Variants in COG5 observed in about 807,000 individuals in gnomAD.
COG5 encodes the protein conserved oligomeric Golgi complex subunit 5.
A neutral mutation model predicts 110.4 loss-of-function variants in COG5; 86 were observed. The observed-to-expected ratio is 0.78, with a 90% CI of 0.65 to 0.93. The LOEUF is 0.93. Among genes scored for constraint, COG5 ranks in the 40% least tolerant of loss-of-function variants. The pLI is 0.00. For missense variants in COG5, 1,077 were observed against 987.0 expected, an observed-to-expected ratio of 1.09 and a Z score of -1.22; for synonymous variants, 360 against 334.6, an observed-to-expected ratio of 1.08 and a Z score of -0.83.
intron 1 of COG5, 196 bp downstream of exon 1, chr7:107,563,607 A>C: frequency 3.2e-6 from 2 of 618,588 alleles, no homozygotes; most frequent in Non-Finnish European, 6.0e-6. Flanking sequence ...CCAAGACTCC[A>C]GAAAAGAGGG....
chr7:107,241,066 G>A (rs192660842), intron 17 of COG5, among the ~76,000 whole-genome samples: 1 of 152,296 alleles, frequency 6.6e-6, no homozygotes, highest in East Asian at 1.9e-4. Context: ...TAGAATTTAA[G>A]CAAATTAGTA....
chr7:107,450,957 A>G (rs970331511), intron 6 of COG5, among the ~76,000 whole-genome samples: 2 of 152,174 alleles, frequency 1.3e-5, no homozygotes, highest in Non-Finnish European at 2.9e-5. Context: ...AACAACTCTA[A>G]TTCAACATCT....
intron 6 of COG5, among the ~76,000 whole-genome samples, chr7:107,434,963 C>T (rs1584819149): frequency 6.6e-6 from 1 of 150,420 alleles, no homozygotes; most frequent in East Asian, 1.9e-4. Flanking sequence ...GAGCGAGACT[C>T]CGTCTTAAAA....
At chr7:107,351,340 T>TA (rs758174950) in intron 10 of COG5, among the ~76,000 whole-genome samples, 32 of 152,136 alleles carry the variant, frequency 2.1e-4, no homozygotes, top group Non-Finnish European at 3.2e-4. Context: ...ATGTTAGACC[T>TA]AAAACCATAA....
chr7:107,372,844 A>G lies in COG5; in HGVS notation c.670-84T>C, dbSNP rs946888040. 8.6e-5 allele frequency: 113 copies of G among 1,311,706 alleles called. 1 individual carries two copies. Among genetic ancestry groups the G allele is most frequent in the Non-Finnish European group, 1.2e-4 (109 of 926,444 alleles). The allele number at this position is 1,311,706 out of a possible 1,614,324, so 81.3% of individuals were successfully genotyped here. ...ACATAAATATACAACTTTAAGCAGG[A>G]CTTCAGCAGTCCTATCATATTTAAA... On this transcript the variant is annotated intron_variant, in intron 7 of 21. Coordinates refer to ENST00000297135, the MANE Select transcript of COG5 (RefSeq NM_006348.5).
intron 7 of COG5, among the ~76,000 whole-genome samples, chr7:107,388,147 T>C (rs1790343527): frequency 6.6e-6 from 1 of 152,164 alleles, no homozygotes; most frequent in Admixed American, 6.5e-5. Flanking sequence ...TATCCTACAA[T>C]GCCCAGATTG....
At chr7:107,223,603 G>A (rs1800111590) in intron 19 of COG5, among the ~76,000 whole-genome samples, 1 of 152,160 alleles carries the variant, frequency 6.6e-6, no homozygotes, top group Admixed American at 6.5e-5. Context: ...AGCAGGAGGT[G>A]GCCACTAAAG....
At chr7:107,502,778 T>G (rs1366954799) in intron 6 of COG5, among the ~76,000 whole-genome samples, 1 of 152,174 alleles carries the variant, frequency 6.6e-6, no homozygotes, top group African/African-American at 2.4e-5. Context: ...ATGTTGAACA[T>G]TTTTTCATAT....
chr7:107,363,595 C>T (rs927199629), intron 8 of COG5, among the ~76,000 whole-genome samples: 5 of 152,024 alleles, frequency 3.3e-5, no homozygotes, highest in Non-Finnish European at 7.4e-5. Context: ...AAAAAAATCA[C>T]CATTTTACAA....
At chr7:107,355,362 T>C (rs1476841957) in intron 10 of COG5, among the ~76,000 whole-genome samples, 3 of 152,326 alleles carry the variant, frequency 2.0e-5, no homozygotes, top group Non-Finnish European at 2.9e-5. Context: ...TGGCAGTTTC[T>C]TACTAAGCTA....
At chr7:107,346,447 T>C (rs914071137) in intron 10 of COG5, among the ~76,000 whole-genome samples, 1 of 152,236 alleles carries the variant, frequency 6.6e-6, no homozygotes, top group South Asian at 2.1e-4. Flanking sequence ...TCCCACTGCC[T>C]AGGCAAAACT....
At chr7:107,376,182 T>C (rs769778874) in intron 7 of COG5, among the ~76,000 whole-genome samples, 22 of 152,068 alleles carry the variant, frequency 1.4e-4, no homozygotes, top group Non-Finnish European at 2.7e-4. Flanking sequence ...AATTCACCTA[T>C]CTAAATTACT....
At chr7:107,396,630 T>C (rs1791034469) in intron 7 of COG5, among the ~76,000 whole-genome samples, 1 of 151,526 alleles carries the variant, frequency 6.6e-6, no homozygotes, top group African/African-American at 2.4e-5. Context: ...ATACACCGAG[T>C]GCCTAAAAAA....
intron 7 of COG5, among the ~76,000 whole-genome samples, chr7:107,379,398 C>T (rs915586258): frequency 5.3e-5 from 8 of 152,042 alleles, no homozygotes; most frequent in African/African-American, 1.9e-4. Context: ...ATCATGATGA[C>T]AGGATCAAAT....
intron 6 of COG5, among the ~76,000 whole-genome samples, chr7:107,522,538 A>G (rs1468746329): frequency 6.6e-6 from 1 of 152,200 alleles, no homozygotes; most frequent in East Asian, 1.9e-4. Flanking sequence ...TGGCGCATGT[A>G]TAACTATGTA....
chr7:107,495,636 T>C (rs1376259431), intron 6 of COG5, among the ~76,000 whole-genome samples: 2 of 152,166 alleles, frequency 1.3e-5, no homozygotes, highest in Non-Finnish European at 2.9e-5. Flanking sequence ...ATGTGGGACT[T>C]AGCAAAGACT....
intron 11 of COG5, among the ~76,000 whole-genome samples, chr7:107,304,314 C>T (rs908161011): frequency 2.0e-5 from 3 of 152,260 alleles, no homozygotes; most frequent in Middle Eastern, 3.4e-3. Flanking sequence ...CTTTTATTTT[C>T]TTCCCTAGCC....
intron 10 of COG5, among the ~76,000 whole-genome samples, chr7:107,348,200 T>C (rs937293037): frequency 2.6e-5 from 4 of 151,870 alleles, no homozygotes; most frequent in African/African-American, 9.7e-5. Flanking sequence ...ATGTCATCTG[T>C]ATATACTGCT....
chr7:107,298,257 T>C lies in COG5; in HGVS notation c.1198A>G (p.Ser400Gly), dbSNP rs372144586. Residue 400 changes from serine (S) to glycine (G), a missense_variant, in exon 12 of 22, where the codon AGT (serine) becomes GGT (glycine). Physicochemically the swap from Ser to Gly is moderately conservative, Grantham distance 56. Coordinates refer to ENST00000297135, the MANE Select transcript of COG5 (RefSeq NM_006348.5). The stretch of plus-strand genomic sequence containing the variant: ...TTAAAATTCCCTTGGATATGCTGAC[T>C]GTATTGTTGAAGACGCTTCCATAAG... Reference protein sequence around the residue: ...NDLWKRLQQYSQHIQGNFNAS... With the variant: ...NDLWKRLQQYGQHIQGNFNAS... 44 of 1,613,302 alleles carry C rather than the reference T, an allele frequency of 2.7e-5. No homozygotes were observed. The highest frequency in any genetic ancestry group is 8.3e-5 in the Admixed American group (5 of 59,992).
Sources: allele counts gnomAD v4.1 joint callset (sites outside exome capture counted in the v4.1 genomes callset), GRCh38; gene constraint gnomAD v4.1.1; transcripts MANE v1.5; gene names NCBI Gene and HGNC (gene_info 2026-07-23, HGNC 2026-07-21).